DZANK1: variants seen among roughly 807,000 people sequenced by gnomAD.
DZANK1 encodes the protein double zinc ribbon and ankyrin repeat-containing protein 1.
A neutral mutation model predicts 94.5 loss-of-function variants in DZANK1; 91 were observed. The observed-to-expected ratio is 0.96, with a 90% confidence interval of 0.81 to 1.15. DZANK1 has a LOEUF of 1.15. DZANK1 is among the 50% of genes most tolerant of loss of function. The pLI is 0.00. For missense variants in DZANK1, 903 were observed against 916.4 expected (o/e 0.99, Z 0.19); for synonymous variants, 312 against 325.3 (o/e 0.96, Z 0.44).
chr20:18,443,206 A>AGT (rs752594528), intron 8 of DZANK1, 141 bp downstream of exon 8: 374 of 646,274 alleles, frequency 5.8e-4, no homozygotes, highest in Middle Eastern at 3.8e-3. Context: ...CTTAAGTAGG[A>AGT]GTGTGTAAGA....
rs374793933 is a variant in DZANK1, at chr20:18,403,278, AG to A, written c.1433-4653del. On this transcript the variant is annotated intron_variant, in intron 13 of 20. Coordinates refer to ENST00000262547, the Ensembl canonical transcript of DZANK1. ...ACCTATTCCTGGATCATTCAGCACA[AG>A]TCCAATGTTGGGAGAAGCAAGTCAT... is the stretch of plus-strand genomic sequence containing the variant. Among the ~76,000 whole-genome samples, 848 of 152,310 alleles carry A rather than the reference AG, an allele frequency of 5.6e-3. 5 individuals are homozygous for A. The highest frequency in any genetic ancestry group is 0.015 in the African/African-American group (638 of 41,562).
chr20:18,465,136 C>A, intron 2 of DZANK1, 114 bp downstream of exon 2: 1 of 678,604 alleles, frequency 1.5e-6, no homozygotes, highest in Non-Finnish European at 2.4e-6. Context: ...TACAAATTTC[C>A]CAAAAAGCTG....
intron 7 of DZANK1, among the ~76,000 whole-genome samples, chr20:18,445,545 T>C (rs1264398727): frequency 1.3e-5 from 2 of 152,220 alleles, no homozygotes; most frequent in African/African-American, 4.8e-5. Context: ...TCTTTTAAAG[T>C]GTACATAGAA....
intron 13 of DZANK1, among the ~76,000 whole-genome samples, chr20:18,403,185 C>G (rs1276898428): frequency 6.6e-6 from 1 of 152,194 alleles, no homozygotes; most frequent in Non-Finnish European, 1.5e-5. Context: ...TTTCTCTGCT[C>G]AGTTACCACT....
At chr20:18,429,779 G>T (rs912904171) in intron 9 of DZANK1, among the ~76,000 whole-genome samples, 1 of 152,154 alleles carries the variant, frequency 6.6e-6, no homozygotes, top group Non-Finnish European at 1.5e-5. Context: ...TTTATTTGTG[G>T]AGACTTTTGA....
intron 17 of DZANK1, among the ~76,000 whole-genome samples, chr20:18,391,186 G>A (rs549992842): frequency 1.3e-3 from 199 of 152,134 alleles, no homozygotes; most frequent in Non-Finnish European, 2.6e-3. Flanking sequence ...GTGGGACTCT[G>A]TCTCAAAAAA....
rs560375976 is a variant in DZANK1, at chr20:18,462,723, C to T, written c.110-2417G>A. Among the ~76,000 whole-genome samples the T allele has an allele frequency of 7.3e-4, 111 of 152,034 alleles. 1 individual carries two copies. The highest frequency in any genetic ancestry group is 2.2e-3 in the Admixed American group (33 of 15,224). The stretch of plus-strand genomic sequence containing the variant: ...AAGAAATAAGAGTTGAGGCCGGGCG[C>T]GGTGGTTCACATCTGTAATCCCAGC... On this transcript the variant is annotated intron_variant, in intron 2 of 20. Transcript: ENST00000262547.
At chr20:18,421,543 G>A (rs2057778413) in intron 10 of DZANK1, 1 of 152,218 alleles carries the variant, frequency 6.6e-6, no homozygotes, top group South Asian at 2.1e-4. Flanking sequence ...TGCCTTGAGG[G>A]TTGTCAGTTT....
At chr20:18,388,763 A>C (rs1408315803) in intron 19 of DZANK1, among the ~76,000 whole-genome samples, 1 of 152,256 alleles carries the variant, frequency 6.6e-6, no homozygotes, top group African/African-American at 2.4e-5. Context: ...GGGGGGTAGA[A>C]GCTATTAAAA....
chr20:18,401,476 C>G (rs757382064), intron 13 of DZANK1, among the ~76,000 whole-genome samples: 1 of 152,244 alleles, frequency 6.6e-6, no homozygotes, highest in Admixed American at 6.5e-5. Context: ...ACTGCCCATA[C>G]TTCTGTGGGT....
chr20:18,398,380 AG>A (rs2056475884), intron 14 of DZANK1, 142 bp downstream of exon 14: 2 of 711,628 alleles, frequency 2.8e-6, no homozygotes, highest in African/African-American at 3.5e-5. Context: ...AGAGCTCACA[AG>A]GCAGAAGAGT....
chr20:18,387,756 A>G (rs2048594854), intron 19 of DZANK1, among the ~76,000 whole-genome samples: 1 of 152,216 alleles, frequency 6.6e-6, no homozygotes, highest in Non-Finnish European at 1.5e-5. Flanking sequence ...GGAATGATAC[A>G]AACATGGAAC....
intron 10 of DZANK1, among the ~76,000 whole-genome samples, chr20:18,423,209 C>T (rs1808069150): frequency 6.6e-6 from 1 of 152,148 alleles, no homozygotes; most frequent in South Asian, 2.1e-4. Context: ...GCTATACCAT[C>T]TAGGTTTGTG....
At chr20:18,396,914 C>T (rs1046454904) in intron 14 of DZANK1, among the ~76,000 whole-genome samples, 9 of 152,082 alleles carry the variant, frequency 5.9e-5, no homozygotes, top group Admixed American at 1.3e-4. Context: ...TGGTAGGGGG[C>T]GGGGACAGGG....
At chr20:18,389,203 C>T (rs6105911) in intron 19 of DZANK1, among the ~76,000 whole-genome samples, 58,754 of 151,924 alleles carry the variant, frequency 0.39, 12,861 homozygotes, top group Non-Finnish European at 0.5. Flanking sequence ...TTTTGTATCA[C>T]GGGTGGGAAA....
At position 18,394,320 on chromosome 20, in the gene DZANK1, T is replaced by C. The variant is rs371566501; in HGVS notation, c.1642A>G (p.Ser548Gly). Residue 548 changes from serine to glycine, a missense_variant, in exon 16 of 21, where the codon AGC (serine) becomes GGC (glycine). Physicochemically the swap from Ser to Gly is moderately conservative, Grantham distance 56 (BLOSUM62 0). Coordinates refer to ENST00000262547, the Ensembl canonical transcript of DZANK1. ...GCAGCACTGCTCAGAAGGTGATCGCTGAAATTCACTGCCTTGTTCAGGTAA... is the reference window on the plus strand; with the variant it reads ...GCAGCACTGCTCAGAAGGTGATCGCCGAAATTCACTGCCTTGTTCAGGTAA... 2 of 1,613,762 alleles carry C rather than the reference T, an allele frequency of 1.2e-6. No homozygotes were observed. The highest frequency in any genetic ancestry group is 1.7e-6 in the Non-Finnish European group (2 of 1,179,814).
At chr20:18,455,178 T>C in intron 4 of DZANK1, 69 bp downstream of exon 4, 1 of 1,180,760 alleles carries the variant, frequency 8.5e-7, no homozygotes, top group South Asian at 1.3e-5. Context: ...AAAGGCAAGA[T>C]CTGCTCACTG....
intron 9 of DZANK1, among the ~76,000 whole-genome samples, chr20:18,427,609 GT>G (rs751019149): frequency 0.012 from 630 of 50,790 alleles, 3 homozygotes; most frequent in Non-Finnish European, 0.022. Flanking sequence ...AAGGTTGGGT[GT>G]GTGTGTGTGT....
intron 17 of DZANK1, among the ~76,000 whole-genome samples, chr20:18,391,778 C>T (rs1230586879): frequency 6.6e-6 from 1 of 152,212 alleles, no homozygotes; most frequent in African/African-American, 2.4e-5. Context: ...GGACACTGGT[C>T]AAGGCCTCTG....
Sources: allele counts gnomAD v4.1 joint callset (sites outside exome capture counted in the v4.1 genomes callset), GRCh38; gene constraint gnomAD v4.1.1; transcripts MANE v1.5; gene names NCBI Gene and HGNC (gene_info 2026-07-23, HGNC 2026-07-21).